Variants in WAPL observed in about 807,000 individuals in gnomAD.
The protein encoded by WAPL is WAPL cohesin release factor.
A neutral mutation model predicts 121.0 loss-of-function variants in WAPL; 5 were observed. The observed-to-expected ratio is 0.04, with a 90% CI of 0.02 to 0.09. The LOEUF (loss-of-function observed/expected upper bound fraction) is 0.09, where lower values mean the gene tolerates loss of function less well. Ranked by LOEUF, WAPL falls within the 10% of genes least tolerant of loss-of-function variation. The pLI, the probability that WAPL is intolerant of heterozygous loss-of-function variation, is 1.00. For synonymous variants in WAPL, 480 were observed against 481.5 expected, an observed-to-expected ratio of 1.00 and a Z score of 0.04; for missense variants, 999 against 1,410.8, an observed-to-expected ratio of 0.71 and a Z score of 4.68.
intron 12 of WAPL, among the ~76,000 whole-genome samples, chr10:86,457,327 T>TAAAAAAAAAAAAAAAAA (rs10668599): frequency 9.0e-6 from 1 of 111,228 alleles, no homozygotes; most frequent in African/African-American, 3.8e-5. Flanking sequence ...CTGTATCTAT[T>TAAAAAAAAAAAAAAAAA]AAAAAAAAAA....
In WAPL at chr10:86,436,222, TTAG is replaced by T. The variant is rs1485423180; in HGVS notation, c.*1318_*1320del. On this transcript the variant is annotated 3_prime_UTR_variant, in exon 19 of 19. Coordinates refer to ENST00000298767, the MANE Select transcript of WAPL (RefSeq NM_015045.5). ...ATAACAAAGTCTAAATGGGTAAAAA[TTAG>T]ACTTTTAGCTATTTTCCCCAATACA... 1 of 152,626 alleles carries T rather than the reference TTAG, an allele frequency of 6.6e-6. No homozygotes were observed. The highest frequency in any genetic ancestry group is 2.4e-5 in the African/African-American group (1 of 41,456). The allele number at this position is 152,626 out of a possible 1,614,324, so 9.5% of individuals were successfully genotyped here.
At position 86,510,068 on chromosome 10, in the gene WAPL, C is replaced by CTTTT. The variant is rs11323475; in HGVS notation, c.499+7499_499+7502dup. ...ACAGGCATCAGCCACTCCACCCGGC[C>CTTTT]TTTTTTTTTTTTTTTTTTTTTTTTG... On this transcript the variant is annotated intron_variant, in intron 2 of 18. Coordinates refer to ENST00000298767, the MANE Select transcript of WAPL (RefSeq NM_015045.5). 6.6e-3 allele frequency among the ~76,000 whole-genome samples: 380 copies of CTTTT among 57,254 alleles called. 30 individuals are homozygous for CTTTT. Among genetic ancestry groups the CTTTT allele is most frequent in the African/African-American group, 0.029 (352 of 11,944 alleles). The allele number at this position is 57,254 out of a possible 152,430, so 37.6% of individuals were successfully genotyped here.
rs112227767 is a variant in WAPL at position 86,515,370 on chromosome 10, T to C, written c.499+2201A>G. On this transcript the variant is annotated intron_variant, in intron 2 of 18. Transcript: ENST00000298767. ...TTTGACGGACAGTAGGTGCTCAATA[T>C]GTTGATAATAAACGAATCTCATTCC... Among the ~76,000 whole-genome samples, 1,065 of 152,048 alleles carry C rather than the reference T, an allele frequency of 7.0e-3. 14 individuals are homozygous for C. Among genetic ancestry groups the C allele is most frequent in the African/African-American group, 0.024 (1,015 of 41,466 alleles).
At position 86,497,327 on chromosome 10, in the gene WAPL, G is replaced by A. The variant is rs1452656157; in HGVS notation, c.1526-8C>T. 1.3e-6 allele frequency: 2 copies of A among 1,595,788 alleles called. No individual in the cohort carries two copies. The highest frequency in any genetic ancestry group is 2.2e-5 in the East Asian group (1 of 44,692). On this transcript the variant is annotated splice_polypyrimidine_tract_variant and splice_region_variant and intron_variant, in intron 3 of 18. Coordinates refer to ENST00000298767, the MANE Select transcript of WAPL (RefSeq NM_015045.5). ...CTGTAAAATCCAAGTTTTCTGAAATGGTAATCAAAACTATCTAGCTTACTA... is the reference window on the plus strand; with the variant it reads ...CTGTAAAATCCAAGTTTTCTGAAATAGTAATCAAAACTATCTAGCTTACTA...
At chr10:86,515,262 CAA>C (rs1160321277) in intron 2 of WAPL, among the ~76,000 whole-genome samples, 2 of 114,074 alleles carry the variant, frequency 1.8e-5, no homozygotes. Flanking sequence ...GACTTCATCT[CAA>C]AAAAAAAAAA....
intron 4 of WAPL, among the ~76,000 whole-genome samples, chr10:86,474,492 T>TGACA (rs2132195104): frequency 7.0e-6 from 1 of 142,318 alleles, no homozygotes; most frequent in Admixed American, 7.4e-5. Context: ...CCAGCCTGGG[T>TGACA]GACAGAGTGA....
chr10:86,498,387 G>A (rs1047966682), intron 3 of WAPL, among the ~76,000 whole-genome samples: 1 of 152,152 alleles, frequency 6.6e-6, no homozygotes, highest in Non-Finnish European at 1.5e-5. Context: ...AACACTGGAT[G>A]TATTTCTTTT....
Position 86,461,281 on chromosome 10 carries a change from GC to G in WAPL, c.2376del (p.His793IlefsTer2). On this transcript the variant is annotated frameshift_variant, in exon 10 of 19. Coordinates refer to ENST00000298767, the MANE Select transcript of WAPL (RefSeq NM_015045.5). LOFTEE classifies it high-confidence loss of function. ...GATAATAATGTCTCCATAGCTAAAT[GC>G]CCAGTCTAAAAACCAGAAGCATCAT... ...KHLDLENITTGHLAMETLLSL... is the reference protein window; with the variant it reads ...KHLDLENITTXHLAMETLLSL... 1 of 1,607,798 alleles carries G rather than the reference GC, an allele frequency of 6.2e-7. No individual in the cohort carries two copies. The highest frequency in any genetic ancestry group is 8.5e-7 in the Non-Finnish European group (1 of 1,177,720).
intron 17 of WAPL, among the ~76,000 whole-genome samples, 154 bp from the exon 18 acceptor site, chr10:86,438,169 T>C (rs1266686886): frequency 2.0e-5 from 3 of 152,156 alleles, no homozygotes; most frequent in Non-Finnish European, 4.4e-5. Context: ...TCACTCTGCA[T>C]GTGATTTCCT....
At chr10:86,453,632 G>GA (rs753002474) in intron 13 of WAPL, 24 bp downstream of exon 13, 6 of 1,582,078 alleles carry the variant, frequency 3.8e-6, no homozygotes, top group South Asian at 2.3e-5. Flanking sequence ...CTTTCAATGA[G>GA]AAAAAAATGG....
chr10:86,495,597 G>A (rs1314181470), intron 4 of WAPL, among the ~76,000 whole-genome samples: 1 of 152,120 alleles, frequency 6.6e-6, no homozygotes, highest in Non-Finnish European at 1.5e-5. Flanking sequence ...AGACAAAAAT[G>A]TATGTAACAC....
intron 2 of WAPL, among the ~76,000 whole-genome samples, chr10:86,509,719 T>C (rs1842418921): frequency 6.6e-6 from 1 of 151,470 alleles, no homozygotes; most frequent in Non-Finnish European, 1.5e-5. Flanking sequence ...GCACAAGTGC[T>C]GGAAAAGAAA....
chr10:86,464,284 A>C (rs1350984035), intron 9 of WAPL, among the ~76,000 whole-genome samples: 2 of 152,230 alleles, frequency 1.3e-5, no homozygotes, highest in African/African-American at 4.8e-5. Flanking sequence ...TGAGTAAACT[A>C]TTTAATAGAG....
chr10:86,471,876 C>A (rs1410144363), intron 7 of WAPL, among the ~76,000 whole-genome samples: 2 of 152,074 alleles, frequency 1.3e-5, no homozygotes, highest in Non-Finnish European at 2.9e-5. Context: ...CACACATGAT[C>A]CTCCCAACTT....
rs545699659 is a variant in WAPL, at chr10:86,521,751, C to T, written c.-409G>A. 1.1e-3 allele frequency: 484 copies of T among 446,386 alleles called. 2 individuals are homozygous for T. The highest frequency in any genetic ancestry group is 5.7e-3 in the African/African-American group (267 of 46,998). The allele number at this position is 446,386 out of a possible 1,614,324, so 27.7% of individuals were successfully genotyped here. On this transcript the variant is annotated 5_prime_UTR_variant, in exon 1 of 19. Transcript: ENST00000298767. ...ACCATCTCAACGCCATTTGCGCTCC[C>T]GGCCCCCACCTCCTTCCTCCAACAG...
In WAPL at chr10:86,472,400, C is replaced by G; in HGVS notation, c.1894-56G>C. 6.4e-7 allele frequency: 1 copy of G among 1,569,606 alleles called. No individual in the cohort carries two copies. The highest frequency in any genetic ancestry group is 8.6e-7 in the Non-Finnish European group (1 of 1,165,934). On this transcript the variant is annotated intron_variant, in intron 6 of 18. Coordinates refer to ENST00000298767, the MANE Select transcript of WAPL (RefSeq NM_015045.5). The surrounding 1 kb of genome is among the most constrained non-coding windows in gnomAD (Gnocchi z 4.2). ...TAACTAGGAACTAGCATATTTAAAT[C>G]TATGGGCTCACTGTACTTTACATAA...
intron 2 of WAPL, among the ~76,000 whole-genome samples, chr10:86,512,788 C>A (rs1181984486): frequency 6.6e-6 from 1 of 151,944 alleles, no homozygotes; most frequent in South Asian, 2.1e-4. Flanking sequence ...GAGTAGCGTG[C>A]AAAACAGATG....
intron 4 of WAPL, among the ~76,000 whole-genome samples, chr10:86,474,547 G>C (rs1841607451): frequency 6.6e-6 from 1 of 150,842 alleles, no homozygotes; most frequent in African/African-American, 2.4e-5. Context: ...CTCTTGCTAG[G>C]CTTACTAAGT....
intron 2 of WAPL, among the ~76,000 whole-genome samples, chr10:86,502,337 C>G (rs1003205130): frequency 1.3e-5 from 2 of 152,158 alleles, no homozygotes; most frequent in African/African-American, 2.4e-5. Flanking sequence ...GGATAAGGAA[C>G]AAGAAAAGAC....
Sources: allele counts gnomAD v4.1 joint callset (sites outside exome capture counted in the v4.1 genomes callset), GRCh38; gene constraint gnomAD v4.1.1; non-coding constraint Gnocchi (gnomAD v3.1); transcripts MANE v1.5; gene names NCBI Gene and HGNC (gene_info 2026-07-23, HGNC 2026-07-21).